MECOM: variants seen among roughly 807,000 people sequenced by gnomAD.
The protein encoded by MECOM is MDS1 and EVI1 complex locus.
MECOM carries 13 observed loss-of-function variants against 116.3 expected under a neutral mutation model. The observed-to-expected ratio is 0.11, with a 90% CI of 0.07 to 0.18. MECOM has a LOEUF of 0.18. Among genes scored for constraint, MECOM ranks in the 10% least tolerant of loss-of-function variants. MECOM has a pLI of 1.00. For synonymous variants in MECOM, 528 were observed against 535.2 expected, an observed-to-expected ratio of 0.99 and a Z score of 0.19; for missense variants, 1,299 against 1,509.0, an observed-to-expected ratio of 0.86 and a Z score of 2.31.
intron 1 of MECOM, among the ~76,000 whole-genome samples, chr3:169,640,147 A>T (rs951896199): frequency 4.5e-4 from 67 of 150,510 alleles, no homozygotes; most frequent in African/African-American, 1.6e-3. Context: ...CAATATTAAG[A>T]TATTTTATTA....
chr3:169,326,129 T>C (rs1180230552), intron 2 of MECOM, among the ~76,000 whole-genome samples: 1 of 151,906 alleles, frequency 6.6e-6, no homozygotes, highest in East Asian at 1.9e-4. Flanking sequence ...CAAGGAAGCC[T>C]CTCGGTGGAG....
Position 169,101,095 on chromosome 3 carries a change from A to G in MECOM, c.2772-133T>C, listed in dbSNP as rs531225071. 8.6e-6 allele frequency: 4 copies of G among 465,100 alleles called. No individual in the cohort carries two copies. In the East Asian group the frequency reaches 1.4e-4, roughly 16 times the overall value. The allele number at this position is 465,100 out of a possible 1,614,324, so 28.8% of individuals were successfully genotyped here. A position where few individuals can be genotyped will look rare whatever the true frequency, so the allele number is the denominator to read the frequency against. On this transcript the variant is annotated intron_variant, in intron 11 of 16. Transcript: ENST00000651503. Reference sequence around the variant, plus strand: ...AACTCACATTTCTTTGGTATTTAAAATTTACAACAAAGCCATTTCACAGAT... The same window carrying G: ...AACTCACATTTCTTTGGTATTTAAAGTTTACAACAAAGCCATTTCACAGAT...
At chr3:169,587,831 T>C (rs1173529946) in intron 1 of MECOM, among the ~76,000 whole-genome samples, 1 of 152,136 alleles carries the variant, frequency 6.6e-6, no homozygotes, top group Non-Finnish European at 1.5e-5. Context: ...AAATGCACTT[T>C]TCTATTTGTT....
At chr3:169,255,762 C>T (rs887837807) in intron 2 of MECOM, among the ~76,000 whole-genome samples, 1 of 152,174 alleles carries the variant, frequency 6.6e-6, no homozygotes, top group Non-Finnish European at 1.5e-5. Context: ...TTTCTGAAGA[C>T]ATCCAGCTGG....
chr3:169,653,484 T>C (rs1775167505), intron 1 of MECOM, among the ~76,000 whole-genome samples: 1 of 152,228 alleles, frequency 6.6e-6, no homozygotes, highest in Admixed American at 6.5e-5. Context: ...GGAGAGATCA[T>C]GAAGAAGCAG....
At position 169,474,812 on chromosome 3, in the gene MECOM, C is replaced by T. The variant is rs527599472; in HGVS notation, c.38-93288G>A. Among the ~76,000 whole-genome samples, 6 of 88,732 alleles carry T rather than the reference C, an allele frequency of 6.8e-5. No homozygotes were observed. The East Asian group carries it at 1.2e-3, about 18-fold the overall frequency. The allele number at this position is 88,732 out of a possible 152,430, so 58.2% of individuals were successfully genotyped here. A position where few individuals can be genotyped will look rare whatever the true frequency, so the allele number is the denominator to read the frequency against. ...AGAAGAGATAACTGATATATATTAGCTTAGTGTCTAGTACTTAACCACCCA... is the reference window on the plus strand; with the variant it reads ...AGAAGAGATAACTGATATATATTAGTTTAGTGTCTAGTACTTAACCACCCA... On this transcript the variant is annotated intron_variant, in intron 1 of 16. Transcript: ENST00000651503.
chr3:169,456,273 C>T (rs1306261614), intron 1 of MECOM, among the ~76,000 whole-genome samples: 1 of 152,206 alleles, frequency 6.6e-6, no homozygotes, highest in Non-Finnish European at 1.5e-5. Context: ...TTCTAGTCCA[C>T]ACCTGCTCCT....
At chr3:169,355,899 T>C (rs1727196253) in intron 2 of MECOM, among the ~76,000 whole-genome samples, 2 of 151,880 alleles carry the variant, frequency 1.3e-5, no homozygotes, top group Non-Finnish European at 2.9e-5. Flanking sequence ...CAGAATTGAT[T>C]TTCATGAAAG....
chr3:169,489,878 G>A (rs940194186), intron 1 of MECOM, among the ~76,000 whole-genome samples: 4 of 152,010 alleles, frequency 2.6e-5, no homozygotes, highest in Non-Finnish European at 5.9e-5. Context: ...AGTATAAAAC[G>A]GGATATTCAT....
chr3:169,349,707 T>C (rs1259208942), intron 2 of MECOM, among the ~76,000 whole-genome samples: 2 of 151,938 alleles, frequency 1.3e-5, no homozygotes, highest in Non-Finnish European at 2.9e-5. Context: ...TTACTAGCCC[T>C]GTCAGGTGGG....
intron 1 of MECOM, chr3:169,477,063 G>A (rs956177665): frequency 2.9e-5 from 4 of 137,430 alleles, no homozygotes; most frequent in Non-Finnish European, 6.1e-5. Context: ...TATGTGCCTA[G>A]AGGTCTGGAT....
chr3:169,090,286 A>G (rs755333863), intron 14 of MECOM, 50 bp from the exon 15 acceptor site: 3 of 1,517,840 alleles, frequency 2.0e-6, no homozygotes, highest in Non-Finnish European at 2.7e-6. Context: ...CATTTTTAAA[A>G]TTGTAATTTG....
intron 2 of MECOM, among the ~76,000 whole-genome samples, chr3:169,188,499 A>G (rs1042755224): frequency 2.0e-5 from 3 of 152,078 alleles, no homozygotes; most frequent in African/African-American, 7.2e-5. Flanking sequence ...TCCGAGGGGT[A>G]ATTACAGGTC....
At chr3:169,505,577 A>G (rs1403192519) in intron 1 of MECOM, among the ~76,000 whole-genome samples, 4 of 152,210 alleles carry the variant, frequency 2.6e-5, no homozygotes, top group Non-Finnish European at 4.4e-5. Context: ...ACGTGCACAC[A>G]CATGGTGAGA....
At chr3:169,423,689 C>G (rs1740153063) in intron 1 of MECOM, among the ~76,000 whole-genome samples, 1 of 152,014 alleles carries the variant, frequency 6.6e-6, no homozygotes, top group Admixed American at 6.6e-5. Flanking sequence ...GCAGGGATCA[C>G]CAAATATTAA....
At chr3:169,373,962 T>C (rs1262901247) in intron 2 of MECOM, among the ~76,000 whole-genome samples, 1 of 151,942 alleles carries the variant, frequency 6.6e-6, no homozygotes, top group African/African-American at 2.4e-5. Flanking sequence ...TGAATGTGTG[T>C]GTCCTCCTAA....
chr3:169,434,985 T>A (rs567682213), intron 1 of MECOM, among the ~76,000 whole-genome samples: 17 of 152,278 alleles, frequency 1.1e-4, no homozygotes, highest in African/African-American at 4.1e-4. Flanking sequence ...GCTAGTACAG[T>A]ATGGGAAGCC....
chr3:169,355,965 G>T (rs1727204687), intron 2 of MECOM, among the ~76,000 whole-genome samples: 1 of 151,724 alleles, frequency 6.6e-6, no homozygotes, highest in South Asian at 2.1e-4. Flanking sequence ...AATTTTCAGT[G>T]CCTAAAAATA....
intron 2 of MECOM, chr3:169,149,613 C>A (rs1039706075): frequency 4.4e-6 from 2 of 458,118 alleles, no homozygotes; most frequent in Non-Finnish European, 8.9e-6. Flanking sequence ...GTTCCGCGTC[C>A]TTCCGAGCTA....
Sources: allele counts gnomAD v4.1 joint callset (sites outside exome capture counted in the v4.1 genomes callset), GRCh38; gene constraint gnomAD v4.1.1; transcripts MANE v1.5; gene names NCBI Gene and HGNC (gene_info 2026-07-23, HGNC 2026-07-21).